The following MCF2L variants were observed in gnomAD, a reference collection of about 807,000 sequenced individuals.
The protein encoded by MCF2L is guanine nucleotide exchange factor DBS.
MCF2L carries 97 observed loss-of-function variants against 153.4 expected under a neutral mutation model. The observed-to-expected ratio is 0.63, with a 90% CI of 0.54 to 0.75. The LOEUF is 0.75. Among genes scored for constraint, MCF2L ranks in the 30% least tolerant of loss-of-function variants. MCF2L has a pLI of 0.00. For synonymous variants in MCF2L, 659 were observed against 632.2 expected (o/e 1.04, Z -0.64); for missense variants, 1,347 against 1,495.2 (o/e 0.90, Z 1.64).
chr13:112,929,932 G>A (rs1384670241), intron 2 of MCF2L, among the ~76,000 whole-genome samples: 2 of 152,184 alleles, frequency 1.3e-5, no homozygotes, highest in East Asian at 1.9e-4. Context: ...ATTGAAAGCC[G>A]TTGCTGGGAT....
At chr13:113,032,515 T>A (rs1401694769) in intron 3 of MCF2L, among the ~76,000 whole-genome samples, 2 of 152,196 alleles carry the variant, frequency 1.3e-5, no homozygotes, top group African/African-American at 4.8e-5. Context: ...TTCAGCGGTG[T>A]GTCGTGGCGC....
chr13:113,060,836 A>G, intron 5 of MCF2L, 124 bp downstream of exon 5: 3 of 1,342,208 alleles, frequency 2.2e-6, no homozygotes, highest in South Asian at 1.4e-5. Flanking sequence ...AAAACCCCGC[A>G]GGACCTGGCG....
At position 113,091,078 on chromosome 13, in the gene MCF2L, A is replaced by T. The variant is rs775550970; in HGVS notation, c.2953+1350A>T. On this transcript the variant is annotated intron_variant, in intron 26 of 29. Coordinates refer to ENST00000535094, the MANE Select transcript of MCF2L (RefSeq NM_001112732.3). ...CTCGCCGCCTCCCTCCGTCCTTCAC[A>T]CTCTCTCTCCGGTTGTATTTCTGCC... 4.4e-4 allele frequency: 568 copies of T among 1,303,122 alleles called. 1 individual carries two copies. The Middle Eastern group carries it at 4.7e-3, about 11-fold the overall frequency. The allele number at this position is 1,303,122 out of a possible 1,614,324, so 80.7% of individuals were successfully genotyped here. A position where few individuals can be genotyped will look rare whatever the true frequency, so the allele number is the denominator to read the frequency against.
rs2086793610 is a variant in MCF2L at position 113,046,084 on chromosome 13, G to C, written c.369+723G>C. The C allele has an allele frequency of 6.4e-6, 1 of 155,738 alleles. No homozygotes were observed. Among genetic ancestry groups the C allele is most frequent in the Non-Finnish European group, 1.4e-5 (1 of 70,438 alleles). The allele number at this position is 155,738 out of a possible 1,614,324, so 9.6% of individuals were successfully genotyped here. A position where few individuals can be genotyped will look rare whatever the true frequency, so the allele number is the denominator to read the frequency against. On this transcript the variant is annotated intron_variant, in intron 4 of 29. Transcript: ENST00000535094. The surrounding 1 kb of genome is among the most constrained non-coding windows in gnomAD (Gnocchi z 4.4). ...CAGAAGGGGAGCTGGGTTTGCTGTT[G>C]GTTTTAACCCAGAGTAATCATTTAA...
chr13:113,096,396 C>G lies in MCF2L; in HGVS notation c.3101C>G (p.Ala1034Gly). Residue 1034 changes from alanine to glycine, a missense_variant, in exon 28 of 30, where the codon GCG becomes GGG. Physicochemically the swap from Ala to Gly is moderately conservative, Grantham distance 60. Coordinates refer to ENST00000535094, the MANE Select transcript of MCF2L (RefSeq NM_001112732.3). Reference sequence around the variant, plus strand: ...GTTCCAGGTAAATACACGGTCGTGGCGGACCACGAGAAGGGAGGCCCCGAT... The same window carrying G: ...GTTCCAGGTAAATACACGGTCGTGGGGGACCACGAGAAGGGAGGCCCCGAT... Reference protein sequence around the residue: ...KLVPGKYTVVADHEKGGPDAL... With the variant: ...KLVPGKYTVVGDHEKGGPDAL... 1 of 1,589,060 alleles carries G rather than the reference C, an allele frequency of 6.3e-7. No individual in the cohort carries two copies. The highest frequency in any genetic ancestry group is 8.6e-7 in the Non-Finnish European group (1 of 1,168,914).
At chr13:113,076,215 C>G in intron 12 of MCF2L, 58 bp downstream of exon 12, 1 of 1,248,608 alleles carries the variant, frequency 8.0e-7, no homozygotes, top group Non-Finnish European at 1.1e-6. Context: ...TGAGGCATTC[C>G]TCTGTGGGAA....
chr13:113,082,974 C>A (rs2034293111), intron 17 of MCF2L, among the ~76,000 whole-genome samples: 1 of 152,190 alleles, frequency 6.6e-6, no homozygotes, highest in African/African-American at 2.4e-5. Context: ...TGTTCCCAAG[C>A]TCTTGAAAAG....
In MCF2L at chr13:113,054,232, T is replaced by C. The variant is rs1490338600; in HGVS notation, c.370-6361T>C. 6.0e-6 allele frequency: 1 copy of C among 167,612 alleles called. No individual in the cohort carries two copies. Among genetic ancestry groups the C allele is most frequent in the Non-Finnish European group, 1.5e-5 (1 of 68,260 alleles). The allele number at this position is 167,612 out of a possible 1,614,324, so 10.4% of individuals were successfully genotyped here. Reference sequence around the variant, plus strand: ...CTGCTTCCCGTGAAATTCGTGGAGATTATTGTACATTCGGGAGTGGGAGTG... The same window carrying C: ...CTGCTTCCCGTGAAATTCGTGGAGACTATTGTACATTCGGGAGTGGGAGTG... On this transcript the variant is annotated intron_variant, in intron 4 of 29. Coordinates refer to ENST00000535094, the MANE Select transcript of MCF2L (RefSeq NM_001112732.3). This position sits in a 1 kb window ranked among gnomAD's most constrained non-coding sequence, Gnocchi z 5.2.
At chr13:112,897,318 G>A (rs76454823) in intron 1 of MCF2L, among the ~76,000 whole-genome samples, 10,157 of 152,060 alleles carry the variant, frequency 0.067, 406 homozygotes, top group Middle Eastern at 0.15. Context: ...TGAACGTGGT[G>A]GTCAGGAGCC....
At position 113,064,223 on chromosome 13, in the gene MCF2L, T is replaced by C. The variant is rs1009240019; in HGVS notation, c.490-81T>C. ...GCAGACGTGGTCCTCTCTGTGCTGC[T>C]GGGTGTTCTGCTGATGGGGCAGCTC... On this transcript the variant is annotated intron_variant, in intron 5 of 29. Transcript: ENST00000535094. This position sits in a 1 kb window ranked among gnomAD's most constrained non-coding sequence, Gnocchi z 6.0. 2 of 1,028,146 alleles carry C rather than the reference T, an allele frequency of 1.9e-6. No homozygotes were observed. The highest frequency in any genetic ancestry group is 3.1e-6 in the Non-Finnish European group (2 of 654,750). 63.7% of individuals were successfully genotyped at this position (1,028,146 alleles called of 1,614,324 possible). A position where few individuals can be genotyped will look rare whatever the true frequency, so the allele number is the denominator to read the frequency against.
chr13:112,968,429 C>A, upstream of MCF2L: 1 of 1,579,138 alleles, frequency 6.3e-7, no homozygotes, highest in Non-Finnish European at 8.5e-7. Context: ...CAGGACGCTG[C>A]GTGTGTCGAG....
intron 13 of MCF2L, 103 bp from the exon 14 acceptor site, chr13:113,078,260 G>C (rs1207485000): frequency 1.1e-6 from 1 of 928,244 alleles, no homozygotes. Context: ...GGCCTCAGAG[G>C]CCGAGTCCTA....
At chr13:112,962,268 T>TGC (rs1439807296) in intron 2 of MCF2L, among the ~76,000 whole-genome samples, 10 of 151,258 alleles carry the variant, frequency 6.6e-5, no homozygotes, top group Non-Finnish European at 1.2e-4. Flanking sequence ...CTCACACATG[T>TGC]AGGCACAGAT....
intron 2 of MCF2L, among the ~76,000 whole-genome samples, chr13:112,923,879 CT>C (rs1210221088): frequency 6.6e-6 from 1 of 152,068 alleles, no homozygotes; most frequent in Non-Finnish European, 1.5e-5. Context: ...CTTAGTATTT[CT>C]TTGTTTCATG....
intron 22 of MCF2L, 54 bp from the exon 23 acceptor site, chr13:113,087,653 C>A (rs1037275400): frequency 6.8e-6 from 10 of 1,467,610 alleles, no homozygotes; most frequent in East Asian, 4.6e-5. Flanking sequence ...CTTTTAAAAA[C>A]AAGGCAGTGG....
rs2085374794 is a variant in MCF2L at position 113,027,324 on chromosome 13, G to A, written c.278+2566G>A. 1.3e-5 allele frequency among the ~76,000 whole-genome samples: 2 copies of A among 152,098 alleles called. No individual in the cohort carries two copies. The highest frequency in any genetic ancestry group is 4.8e-5 in the African/African-American group (2 of 41,408). ...GCCAGCCTCTGCAGTCATGCCTCAA[G>A]GAGAGGGAGAGCGGTGGGCACCTCT... On this transcript the variant is annotated intron_variant, in intron 3 of 29. Transcript: ENST00000535094. The surrounding 1 kb of genome is among the most constrained non-coding windows in gnomAD (Gnocchi z 4.8).
intron 28 of MCF2L, 31 bp downstream of exon 28, chr13:113,096,514 C>T (rs1344848124): frequency 6.3e-6 from 10 of 1,582,832 alleles, no homozygotes; most frequent in Non-Finnish European, 8.6e-6. Context: ...CCGGACTGCC[C>T]CGCACGTGGC....
chr13:113,017,422 T>C (rs1454178213), intron 2 of MCF2L, among the ~76,000 whole-genome samples: 1 of 152,196 alleles, frequency 6.6e-6, no homozygotes, highest in African/African-American at 2.4e-5. Flanking sequence ...CCCCTCTGCC[T>C]TTCTCCCGGG....
intron 26 of MCF2L, 126 bp downstream of exon 26, chr13:113,089,854 C>T: frequency 6.2e-7 from 1 of 1,612,630 alleles, no homozygotes; most frequent in South Asian, 1.1e-5. Flanking sequence ...CATTCAGGGC[C>T]CCTTGCTCCC....
Sources: gnomAD v4.1 joint callset for allele counts (sites outside exome capture counted in the v4.1 genomes callset) on GRCh38, gnomAD v4.1.1 for gene constraint, Gnocchi (gnomAD v3.1) non-coding constraint, MANE v1.5 for transcripts, NCBI Gene and HGNC (gene_info 2026-07-23, HGNC 2026-07-21) for gene names.